The following CREB5 variants were observed in gnomAD, a reference collection of about 807,000 sequenced individuals.
The protein encoded by CREB5 is cAMP responsive element binding protein 5.
In CREB5, 19 loss-of-function variants were observed where a neutral mutation model predicts 57.1. That is an observed-to-expected ratio of 0.33 (90% confidence interval 0.23 to 0.49). The LOEUF (loss-of-function observed/expected upper bound fraction) is 0.49. Among genes scored for constraint, CREB5 ranks in the 20% least tolerant of loss-of-function variants. CREB5 has a pLI of 0.99. For synonymous variants in CREB5, 238 were observed against 238.3 expected, an observed-to-expected ratio of 1.00 and a Z score of 0.01; for missense variants, 579 against 671.6, an observed-to-expected ratio of 0.86 and a Z score of 1.52.
chr7:28,491,093 G>T, intron 2 of CREB5: 1 of 464,528 alleles, frequency 2.2e-6, no homozygotes, highest in Non-Finnish European at 2.8e-6. Flanking sequence ...TGAGTGAGTG[G>T]GTGGTGAGGA....
chr7:28,498,793 A>G (rs1792160253), intron 3 of CREB5, among the ~76,000 whole-genome samples: 1 of 152,172 alleles, frequency 6.6e-6, no homozygotes, highest in Non-Finnish European at 1.5e-5. Flanking sequence ...GGGTCTTCTC[A>G]TCTTTATTTG....
intron 5 of CREB5, among the ~76,000 whole-genome samples, chr7:28,610,732 T>C (rs1797350144): frequency 6.6e-6 from 1 of 152,174 alleles, no homozygotes; most frequent in Admixed American, 6.5e-5. Context: ...TCATCACTGA[T>C]CTCTGCACAG....
At chr7:28,429,502 A>T (rs1788633238) in intron 1 of CREB5, among the ~76,000 whole-genome samples, 1 of 152,054 alleles carries the variant, frequency 6.6e-6, no homozygotes, top group Non-Finnish European at 1.5e-5. Flanking sequence ...GATGCGTCGC[A>T]CCTCCTTTCC....
chr7:28,806,445 T>C (rs970878600), intron 8 of CREB5, among the ~76,000 whole-genome samples: 7 of 152,206 alleles, frequency 4.6e-5, no homozygotes, highest in Admixed American at 6.5e-5. Context: ...AGGAATAGAA[T>C]CCTTTGAACT....
Position 28,436,437 on chromosome 7 carries a change from G to A in CREB5, c.3+23520G>A, listed in dbSNP as rs141706545. On this transcript the variant is annotated intron_variant, in intron 1 of 10. Transcript: ENST00000357727. ...TTGCCCTATTAAGTGGGCACAGAAC[G>A]GGGCCCTCTTACTACTTATCTGTGT... 2.2e-3 allele frequency among the ~76,000 whole-genome samples: 331 copies of A among 152,224 alleles called. 2 individuals are homozygous for A. The Middle Eastern group carries it at 0.041, about 19-fold the overall frequency.
upstream of CREB5, among the ~76,000 whole-genome samples, chr7:28,408,784 G>C (rs199781051): frequency 3.9e-5 from 6 of 152,268 alleles, no homozygotes; most frequent in East Asian, 1.2e-3. Context: ...CGGTGAAGAA[G>C]GGGTGACAAG....
At chr7:28,623,523 C>T (rs375118947) in intron 5 of CREB5, among the ~76,000 whole-genome samples, 6 of 152,130 alleles carry the variant, frequency 3.9e-5, no homozygotes, top group African/African-American at 1.4e-4. Flanking sequence ...GGCTCTTACT[C>T]CTTGATCTGA....
intron 5 of CREB5, among the ~76,000 whole-genome samples, chr7:28,623,691 G>A (rs1407943134): frequency 6.6e-6 from 1 of 152,116 alleles, no homozygotes; most frequent in East Asian, 1.9e-4. Context: ...TGATTCCCCT[G>A]CCCGTGGCTT....
At chr7:28,437,562 C>A (rs1430632506) in intron 1 of CREB5, among the ~76,000 whole-genome samples, 1 of 151,972 alleles carries the variant, frequency 6.6e-6, no homozygotes, top group Admixed American at 6.6e-5. Flanking sequence ...TTAGTGAGTG[C>A]CTATAAAAAC....
At chr7:28,396,099 T>A (rs1475322520) in intron 1 of CREB5, among the ~76,000 whole-genome samples, 1 of 152,168 alleles carries the variant, frequency 6.6e-6, no homozygotes, top group East Asian at 1.9e-4. Flanking sequence ...ACGACTGAGA[T>A]TTTTCTTTCT....
At chr7:28,776,319 C>G (rs1806633402) in intron 7 of CREB5, among the ~76,000 whole-genome samples, 1 of 131,842 alleles carries the variant, frequency 7.6e-6, no homozygotes, top group South Asian at 2.5e-4. Context: ...GCCTGGGCGA[C>G]AGAGCGAGAC....
At chr7:28,714,615 C>T (rs6979352) in intron 5 of CREB5, among the ~76,000 whole-genome samples, 9,778 of 152,248 alleles carry the variant, frequency 0.064, 1,010 homozygotes, top group African/African-American at 0.22. Context: ...GACATGAAAT[C>T]GCTTGCTGCG....
At chr7:28,404,442 G>T (rs964218213) in intron 1 of CREB5, among the ~76,000 whole-genome samples, 2 of 152,078 alleles carry the variant, frequency 1.3e-5, no homozygotes, top group African/African-American at 2.4e-5. Context: ...CCTTGTATTT[G>T]ATTTGAGTCT....
intron 5 of CREB5, among the ~76,000 whole-genome samples, chr7:28,661,449 G>A (rs1799608811): frequency 1.3e-5 from 2 of 150,072 alleles, no homozygotes; most frequent in Admixed American, 1.3e-4. Context: ...TGGCTCCCTG[G>A]AGCCCAGGCT....
At chr7:28,683,397 CAA>C (rs939796699) in intron 5 of CREB5, among the ~76,000 whole-genome samples, 2 of 152,150 alleles carry the variant, frequency 1.3e-5, no homozygotes, top group Non-Finnish European at 2.9e-5. Flanking sequence ...ACAACAAGTG[CAA>C]ATGTAAATAT....
chr7:28,452,476 G>C (rs1329276740), intron 1 of CREB5, among the ~76,000 whole-genome samples: 1 of 152,130 alleles, frequency 6.6e-6, no homozygotes, highest in Non-Finnish European at 1.5e-5. Flanking sequence ...ATTTGTATCA[G>C]TCGGGTTCCT....
intron 4 of CREB5, among the ~76,000 whole-genome samples, chr7:28,521,193 T>C (rs1322721889): frequency 6.6e-6 from 1 of 151,794 alleles, no homozygotes; most frequent in Non-Finnish European, 1.5e-5. Flanking sequence ...TGTGTGTGTT[T>C]ATGGTATTAC....
At position 28,343,294 on chromosome 7, in the gene CREB5, A is replaced by G. The variant is rs375984636; in HGVS notation, c.-25+43853A>G. On this transcript the variant is annotated intron_variant, in intron 1 of 9. Coordinates refer to the CREB5 transcript ENST00000396299. ...GAATCACCCTACTGGACAATAGAAT[A>G]CCGGAACTTATTAATCCTGTCTAAC... Among the ~76,000 whole-genome samples the G allele has an allele frequency of 1.2e-4, 18 of 152,276 alleles. No individual in the cohort carries two copies. The East Asian group carries it at 3.5e-3, about 29-fold the overall frequency.
intron 4 of CREB5, among the ~76,000 whole-genome samples, chr7:28,557,348 G>A (rs1338865222): frequency 6.6e-6 from 1 of 152,148 alleles, no homozygotes; most frequent in African/African-American, 2.4e-5. Flanking sequence ...TCAGAAGGCA[G>A]GGGATTATAT....
Sources: allele counts gnomAD v4.1 joint callset (sites outside exome capture counted in the v4.1 genomes callset), GRCh38; gene constraint gnomAD v4.1.1; transcripts MANE v1.5; gene names NCBI Gene and HGNC (gene_info 2026-07-23, HGNC 2026-07-21).